Variants in GRIFIN observed in about 807,000 individuals in gnomAD.
GRIFIN encodes galectin-related inter-fiber protein.
Under a neutral mutation model 18.2 loss-of-function variants are expected in GRIFIN, and 22 were observed. The observed-to-expected ratio is 1.21, with a 90% CI of 0.86 to 1.73. GRIFIN has a LOEUF of 1.73. GRIFIN is among the 40% of genes most tolerant of loss of function. The probability of loss-of-function intolerance (pLI) is 0.00; values close to 1 mark genes in which losing one functional copy is unlikely to be tolerated. For synonymous variants in GRIFIN, 101 were observed against 82.8 expected (o/e 1.22, Z -1.19); for missense variants, 200 against 190.1 (o/e 1.05, Z -0.31).
At position 2,475,040 on chromosome 7, in the gene GRIFIN, G is replaced by A. The variant is rs747890489; in HGVS notation, c.419+101C>T. ...CCAGGCAGACAACCCCTCCCCAGGC[G>A]GAGGAGGGTCCCCGGATCAGGGTGA... On this transcript the variant is annotated intron_variant, in intron 4 of 4. Coordinates refer to ENST00000614228, the MANE Select transcript of GRIFIN (RefSeq NM_001394787.1). 5.9e-5 allele frequency: 80 copies of A among 1,350,326 alleles called. No homozygotes were observed. The South Asian group carries it at 7.5e-4, about 13-fold the overall frequency. The allele number at this position is 1,350,326 out of a possible 1,614,324, so 83.6% of individuals were successfully genotyped here.
chr7:2,476,041 G>T (rs746796164), intron 1 of GRIFIN, 42 bp from the exon 2 acceptor site: 2 of 1,545,138 alleles, frequency 1.3e-6, no homozygotes, highest in Non-Finnish European at 1.8e-6. Flanking sequence ...TGGGGCTGCA[G>T]CCTCCTCCCT....
At position 2,475,146 on chromosome 7, in the gene GRIFIN, G is replaced by A; in HGVS notation, c.414C>T (p.Ser138=). The A allele has an allele frequency of 6.3e-7, 1 of 1,581,574 alleles. No homozygotes were observed. Among genetic ancestry groups the A allele is most frequent in the Non-Finnish European group, 8.5e-7 (1 of 1,172,024 alleles). Residue 138 remains serine (S), a synonymous_variant, in exon 4 of 5, where the codon AGC becomes AGT. Coordinates refer to ENST00000614228, the MANE Select transcript of GRIFIN (RefSeq NM_001394787.1). ...AQVELAKRGL[S]WGDRGY ...GGTAGAGGCAGGGACTTTACCCCCAGCTCAGGCCCCTCTTGGCCAGCTCCA... is the reference window on the plus strand; with the variant it reads ...GGTAGAGGCAGGGACTTTACCCCCAACTCAGGCCCCTCTTGGCCAGCTCCA...
At chr7:2,475,087 T>G (rs1778931593) in intron 4 of GRIFIN, 54 bp downstream of exon 4, 1 of 1,517,904 alleles carries the variant, frequency 6.6e-7, no homozygotes, top group South Asian at 1.2e-5. Context: ...CCTGCTGGGG[T>G]GGGCAGTGTG....
chr7:2,476,257 G>T, intron 1 of GRIFIN, 115 bp downstream of exon 1: 1 of 1,308,830 alleles, frequency 7.6e-7, no homozygotes, highest in Non-Finnish European at 1.1e-6. Flanking sequence ...TCAGCCCTGA[G>T]ATCTGATGAG....
chr7:2,475,433 C>G, intron 3 of GRIFIN, 126 bp from the exon 4 acceptor site: 2 of 1,331,692 alleles, frequency 1.5e-6, no homozygotes, highest in Non-Finnish European at 2.0e-6. Flanking sequence ...CCGGGGGTCC[C>G]TTGGCTTGGA....
chr7:2,476,038 G>A (rs777468547), intron 1 of GRIFIN, 39 bp from the exon 2 acceptor site: 2 of 1,558,900 alleles, frequency 1.3e-6, no homozygotes, highest in East Asian at 2.3e-5. Context: ...TCATGGGGCT[G>A]CAGCCTCCTC....
In GRIFIN at chr7:2,475,251, C is replaced by T. The variant is rs377006382; in HGVS notation, c.309G>A (p.Val103=). 1.0e-4 allele frequency: 161 copies of T among 1,597,288 alleles called. No homozygotes were observed. Among genetic ancestry groups the T allele is most frequent in the Non-Finnish European group, 1.3e-4 (153 of 1,179,132 alleles). The change falls in exon 4 of 5, where the codon GTG becomes GTA. Residue 103 remains valine (V), a synonymous_variant. Transcript: ENST00000614228. ...GCCTCTGACGGCATGGGAACTGTAG[C>T]ACCTTGTGCTCCGGGGCGTAGACGT... ...HFHVYAPEHK[V]LQFPCRQRPL...
intron 1 of GRIFIN, 152 bp downstream of exon 1, chr7:2,476,220 T>TGG (rs1778961573): frequency 2.0e-6 from 1 of 510,006 alleles, no homozygotes; most frequent in Admixed American, 6.4e-5. Context: ...AGGCCAGCTC[T>TGG]GGGGGGACCT....
chr7:2,474,808 G>A lies in GRIFIN; in HGVS notation c.*62C>T, dbSNP rs1583248788. 4.3e-6 allele frequency: 2 copies of A among 466,004 alleles called. No homozygotes were observed. The allele number at this position is 466,004 out of a possible 1,614,324, so 28.9% of individuals were successfully genotyped here. ...CCCCCTCACCCAGCTGCCCCAGGGT[G>A]GGACTCCAGGTACCCTGGACATGGG... is the stretch of plus-strand genomic sequence containing the variant. On this transcript the variant is annotated 3_prime_UTR_variant, in exon 5 of 5. Coordinates refer to ENST00000614228, the MANE Select transcript of GRIFIN (RefSeq NM_001394787.1).
Position 2,475,194 on chromosome 7 carries a change from C to G in GRIFIN, c.366G>C (p.Leu122=). ...PLGATTRVRV[L]SDHCLAQVEL... The stretch of plus-strand genomic sequence containing the variant: ...CCACCTGGGCCAGGCAGTGGTCACT[C>G]AGCACGCGCACCCTGGTGGTGGCGC... Residue 122 remains leucine, a synonymous_variant, in exon 4 of 5, where the codon CTG becomes CTC. Coordinates refer to ENST00000614228, the MANE Select transcript of GRIFIN (RefSeq NM_001394787.1). The G allele has an allele frequency of 3.8e-6, 6 of 1,594,408 alleles. No individual in the cohort carries two copies. Among genetic ancestry groups the G allele is most frequent in the Non-Finnish European group, 5.1e-6 (6 of 1,177,932 alleles).
At chr7:2,475,559 C>T in intron 3 of GRIFIN, 110 bp downstream of exon 3, 2 of 1,380,618 alleles carry the variant, frequency 1.4e-6, no homozygotes, top group Non-Finnish European at 1.9e-6. Context: ...CCAGACCTTG[C>T]CCTGGCCCAC....
rs985448207 is a variant in GRIFIN, at chr7:2,476,141, G to T, written c.13-142C>A. 9.4e-6 allele frequency: 8 copies of T among 849,806 alleles called. No individual in the cohort carries two copies. The South Asian group carries it at 1.4e-4, about 14-fold the overall frequency. The allele number at this position is 849,806 out of a possible 1,614,324, so 52.6% of individuals were successfully genotyped here. ...AACCCAGTGCCAGACATAGGCTAAG[G>T]CTCTGTTCATCTGGTGTCTTTGTGA... On this transcript the variant is annotated intron_variant, in intron 1 of 4. Coordinates refer to ENST00000614228, the MANE Select transcript of GRIFIN (RefSeq NM_001394787.1).
chr7:2,475,287 C>T lies in GRIFIN; in HGVS notation c.273G>A (p.Ala91=), dbSNP rs760709888. The change falls in exon 4 of 5, where the codon GCG becomes GCA. Residue 91 remains alanine, a synonymous_variant. Transcript: ENST00000614228. ...CCGGGGCGTAGACGTGGAAGTGCTC[C>T]GCGTCCCAGCTGACCTCTATCTGGG... ...EPFEIEVSWD[A]EHFHVYAPEH... is the part of the protein sequence containing the mutation. 8.2e-6 allele frequency: 13 copies of T among 1,594,730 alleles called. No homozygotes were observed. In the South Asian group the frequency reaches 1.3e-4, roughly 16 times the overall value.
At chr7:2,476,038 G>GGT in intron 1 of GRIFIN, 39 bp from the exon 2 acceptor site, 1 of 1,558,902 alleles carries the variant, frequency 6.4e-7, no homozygotes, top group Non-Finnish European at 8.7e-7. Flanking sequence ...TCATGGGGCT[G>GGT]CAGCCTCCTC....
In GRIFIN at chr7:2,475,819, A is replaced by G; in HGVS notation, c.102T>C (p.Thr34=). ...TGTCCCCCGTCTCCAACAAGAAGTT[A>G]GTCTCGAACCTGGGGCGGACATGGT... ...HADSGEDRFE[T]NFLLETGDIA... is the part of the protein sequence containing the mutation. Residue 34 remains threonine, a synonymous_variant, in exon 3 of 5, where the codon ACT becomes ACC. Transcript: ENST00000614228. 6.4e-7 allele frequency: 1 copy of G among 1,573,338 alleles called. No individual in the cohort carries two copies. The highest frequency in any genetic ancestry group is 8.6e-7 in the Non-Finnish European group (1 of 1,160,930).
chr7:2,475,640 A>G (rs773316483), intron 3 of GRIFIN, 29 bp downstream of exon 3: 142 of 1,452,780 alleles, frequency 9.8e-5, no homozygotes, highest in Non-Finnish European at 1.2e-4. Context: ...TTCCCTGCCT[A>G]GCCCAGGCCC....
At chr7:2,475,335 G>T (rs777407113) in intron 3 of GRIFIN, 28 bp from the exon 4 acceptor site, 2 of 1,573,772 alleles carry the variant, frequency 1.3e-6, no homozygotes, top group Non-Finnish European at 1.7e-6. Flanking sequence ...AGTGACCTCA[G>T]TGCCAGCCCC....
chr7:2,475,014 G>C (rs1778930036), intron 4 of GRIFIN, 127 bp downstream of exon 4: 1 of 1,138,236 alleles, frequency 8.8e-7, no homozygotes, highest in Non-Finnish European at 1.2e-6. Flanking sequence ...AGGGTGGGAC[G>C]CCAGGCAGAC....
intron 1 of GRIFIN, 34 bp downstream of exon 1, chr7:2,476,338 C>A: frequency 6.4e-7 from 1 of 1,562,508 alleles, no homozygotes. Context: ...AGCCCTGCAC[C>A]GTTCTCCTTC....
Sources: allele counts gnomAD v4.1 joint callset, GRCh38; gene constraint gnomAD v4.1.1; transcripts MANE v1.5; gene names NCBI Gene and HGNC (gene_info 2026-07-23, HGNC 2026-07-21).